Variants in STPG2 observed in about 807,000 individuals in gnomAD.
STPG2 encodes sperm-tail PG-rich repeat-containing protein 2.
Under a neutral mutation model 54.2 loss-of-function variants are expected in STPG2, and 56 were observed. The ratio of observed to expected loss-of-function variants is 1.03; its 90% confidence interval spans 0.83 to 1.29. The LOEUF is 1.29. Ranked by LOEUF, STPG2 falls within the 50% of genes most tolerant of loss-of-function variation. The pLI is 0.00. For missense variants in STPG2, 596 were observed against 544.9 expected (o/e 1.09, Z -0.93); for synonymous variants, 200 against 181.8 (o/e 1.10, Z -0.81).
chr4:97,741,695 A>T (rs1725241362), intron 9 of STPG2, among the ~76,000 whole-genome samples: 1 of 152,152 alleles, frequency 6.6e-6, no homozygotes, highest in Admixed American at 6.6e-5. Flanking sequence ...AATGGCAATC[A>T]TTAAAAAGTC....
At chr4:97,712,926 T>C (rs1288753156) in intron 9 of STPG2, 112 bp from the exon 10 acceptor site, 4 of 606,900 alleles carry the variant, frequency 6.6e-6, no homozygotes, top group Non-Finnish European at 1.1e-5. Flanking sequence ...CATGAAACAA[T>C]CTTGAACCCA....
chr4:97,962,936 G>A (rs1397471891), intron 7 of STPG2, among the ~76,000 whole-genome samples: 1 of 152,114 alleles, frequency 6.6e-6, no homozygotes, highest in African/African-American at 2.4e-5. Context: ...TGAGGCAGGT[G>A]GATCATGAGG....
intron 8 of STPG2, among the ~76,000 whole-genome samples, chr4:97,882,976 TACACACAC>T (rs34481744): frequency 0.14 from 20,399 of 146,866 alleles, 1,569 homozygotes; most frequent in East Asian, 0.36. Flanking sequence ...ACATACCACA[TACACACAC>T]ACACACACAC....
chr4:97,907,964 T>A lies in STPG2; in HGVS notation c.1044+35933A>T, dbSNP rs979690330. 1.8e-4 allele frequency among the ~76,000 whole-genome samples: 27 copies of A among 152,194 alleles called. No homozygotes were observed. In the Middle Eastern group the frequency reaches 0.014, roughly 77 times the overall value. ...ATTCAGGTCATAGGCTTGGGCAAGGTCTTCATGTCTAAAACACCAAAAGCA... is the reference window on the plus strand; with the variant it reads ...ATTCAGGTCATAGGCTTGGGCAAGGACTTCATGTCTAAAACACCAAAAGCA... On this transcript the variant is annotated intron_variant, in intron 8 of 10. Transcript: ENST00000295268.
chr4:97,704,448 A>G (rs1474397219), intron 10 of STPG2, among the ~76,000 whole-genome samples: 1 of 152,150 alleles, frequency 6.6e-6, no homozygotes, highest in African/African-American at 2.4e-5. Flanking sequence ...CTGAAAATAG[A>G]TTTTCCCAGA....
intron 5 of STPG2, among the ~76,000 whole-genome samples, chr4:98,077,111 C>A (rs1025606669): frequency 1.3e-5 from 2 of 151,938 alleles, no homozygotes; most frequent in African/African-American, 4.8e-5. Context: ...GACTTTTGTT[C>A]TCTCATAAAC....
intron 8 of STPG2, among the ~76,000 whole-genome samples, chr4:97,877,288 G>C (rs1730212125): frequency 6.6e-6 from 1 of 151,852 alleles, no homozygotes; most frequent in Non-Finnish European, 1.5e-5. Context: ...TCATTACAAG[G>C]AACTCAAACA....
rs1402566614 is a variant in STPG2, at chr4:97,840,946, T to C, written c.1045-14A>G. 6.2e-7 allele frequency: 1 copy of C among 1,609,666 alleles called. No individual in the cohort carries two copies. Among genetic ancestry groups the C allele is most frequent in the Non-Finnish European group, 8.5e-7 (1 of 1,177,596 alleles). On this transcript the variant is annotated splice_polypyrimidine_tract_variant and intron_variant, in intron 8 of 10. Transcript: ENST00000295268. ...CGCTGGAATAACCTGAAAAAAAATT[T>C]AATAGATGAGCATAAATATATCTTA... is the stretch of plus-strand genomic sequence containing the variant.
chr4:97,538,776 T>A (rs1731608487), intron 4 of STPG2, among the ~76,000 whole-genome samples: 1 of 152,142 alleles, frequency 6.6e-6, no homozygotes, highest in South Asian at 2.1e-4. Flanking sequence ...GAAAAAATGT[T>A]AAGGGCAGCC....
chr4:97,468,462 C>A lies in STPG2; in HGVS notation c.462+244237G>T, dbSNP rs187226306. On this transcript the variant is annotated intron_variant, in intron 4 of 4. Transcript: ENST00000522676. The stretch of plus-strand genomic sequence containing the variant: ...CACAGGTTGCTATAACTGACGTCAC[C>A]TAAATGGGAGCTCCATACAAGCATC... Among the ~76,000 whole-genome samples, 31 of 152,056 alleles carry A rather than the reference C, an allele frequency of 2.0e-4. No individual in the cohort carries two copies. In the East Asian group the frequency reaches 6.0e-3, roughly 29 times the overall value.
intron 8 of STPG2, among the ~76,000 whole-genome samples, chr4:97,874,476 C>CT (rs1424633075): frequency 3.3e-5 from 5 of 151,710 alleles, no homozygotes; most frequent in Non-Finnish European, 3.0e-5. Flanking sequence ...ATTTTCACCC[C>CT]TTTTAATAAA....
chr4:98,058,742 CA>C (rs1191211722), intron 5 of STPG2, among the ~76,000 whole-genome samples: 1 of 152,044 alleles, frequency 6.6e-6, no homozygotes, highest in Non-Finnish European at 1.5e-5. Context: ...ACTCTCCACC[CA>C]AAAACAACAG....
rs534030702 is a variant in STPG2, at chr4:97,442,013, T to G, written c.463-254180A>C. Among the ~76,000 whole-genome samples, 6 of 152,130 alleles carry G rather than the reference T, an allele frequency of 3.9e-5. 1 individual carries two copies. Among genetic ancestry groups the G allele is most frequent in the Middle Eastern group, 3.4e-3 (1 of 294 alleles). ...AGTTATAAAATAAACTTGTAACACATTAGAGGCTCTACTAGATATTATCTT... is the reference window on the plus strand; with the variant it reads ...AGTTATAAAATAAACTTGTAACACAGTAGAGGCTCTACTAGATATTATCTT... On this transcript the variant is annotated intron_variant, in intron 4 of 4. Coordinates refer to the STPG2 transcript ENST00000522676.
At chr4:97,542,818 T>C (rs372537149) in intron 4 of STPG2, among the ~76,000 whole-genome samples, 3 of 152,046 alleles carry the variant, frequency 2.0e-5, no homozygotes, top group Non-Finnish European at 2.9e-5. Context: ...ATGTCCTTTG[T>C]AGGGACATAG....
intron 10 of STPG2, among the ~76,000 whole-genome samples, chr4:97,667,145 A>T (rs963287761): frequency 2.0e-5 from 3 of 152,242 alleles, no homozygotes; most frequent in African/African-American, 7.2e-5. Context: ...ACTGAATCAG[A>T]ATCATCCACA....
At chr4:97,852,430 A>G (rs1729189270) in intron 8 of STPG2, among the ~76,000 whole-genome samples, 1 of 152,112 alleles carries the variant, frequency 6.6e-6, no homozygotes, top group South Asian at 2.1e-4. Context: ...GCCCTCAAGA[A>G]CCTCACCTGC....
intron 8 of STPG2, among the ~76,000 whole-genome samples, chr4:97,943,498 C>T (rs1375550141): frequency 6.6e-6 from 1 of 151,786 alleles, no homozygotes; most frequent in Non-Finnish European, 1.5e-5. Flanking sequence ...TACAGGTCAA[C>T]AGGAGTAAAA....
At chr4:98,078,187 CA>C (rs1738232264) in intron 5 of STPG2, among the ~76,000 whole-genome samples, 1 of 152,082 alleles carries the variant, frequency 6.6e-6, no homozygotes, top group African/African-American at 2.4e-5. Flanking sequence ...ACTAAACACT[CA>C]TTAAACTCCT....
chr4:97,739,208 A>C (rs1454921467), intron 9 of STPG2, among the ~76,000 whole-genome samples: 1 of 152,198 alleles, frequency 6.6e-6, no homozygotes, highest in Non-Finnish European at 1.5e-5. Flanking sequence ...GGACACATTC[A>C]AAGCAGTGTG....
Sources: allele counts gnomAD v4.1 joint callset (sites outside exome capture counted in the v4.1 genomes callset), GRCh38; gene constraint gnomAD v4.1.1; transcripts MANE v1.5; gene names NCBI Gene and HGNC (gene_info 2026-07-23, HGNC 2026-07-21).